The following PATL2 variants were observed in gnomAD, a reference collection of about 807,000 sequenced individuals.
PATL2 encodes the protein PAT1 homolog 2, also known as protein PAT1 homolog 2.
PATL2 carries 73 observed loss-of-function variants against 77.0 expected under a neutral mutation model. That is an observed-to-expected ratio of 0.95 (90% CI 0.78 to 1.15). The LOEUF (loss-of-function observed/expected upper bound fraction) is 1.15, where lower values mean the gene tolerates loss of function less well. Ranked by LOEUF, PATL2 falls within the 50% of genes most tolerant of loss-of-function variation. The probability of loss-of-function intolerance (pLI) is 0.00; values close to 1 mark genes in which losing one functional copy is unlikely to be tolerated. For synonymous variants in PATL2, 265 were observed against 257.1 expected (o/e 1.03, Z -0.29); for missense variants, 618 against 655.4 (o/e 0.94, Z 0.62).
intron 3 of PATL2, among the ~76,000 whole-genome samples, chr15:44,677,846 C>A (rs781394998): frequency 3.9e-5 from 6 of 151,994 alleles, no homozygotes; most frequent in Admixed American, 6.6e-5. Flanking sequence ...TGAAAAACTT[C>A]TCATATATCT....
chr15:44,690,756 G>T (rs1012186315), intron 3 of PATL2, among the ~76,000 whole-genome samples: 2 of 152,054 alleles, frequency 1.3e-5, no homozygotes, highest in African/African-American at 4.8e-5. Flanking sequence ...TTTATGTTAA[G>T]CTCAGATCTT....
chr15:44,681,560 C>T (rs906168011), intron 3 of PATL2, among the ~76,000 whole-genome samples: 1 of 152,172 alleles, frequency 6.6e-6, no homozygotes, highest in African/African-American at 2.4e-5. Flanking sequence ...TCTCAGTCCT[C>T]TATATATCAA....
At chr15:44,672,745 A>G (rs2085752262) in intron 7 of PATL2, among the ~76,000 whole-genome samples, 1 of 151,998 alleles carries the variant, frequency 6.6e-6, no homozygotes, top group African/African-American at 2.4e-5. Flanking sequence ...CCATCATGCT[A>G]CCTGATTGCA....
intron 14 of PATL2, 88 bp from the exon 15 acceptor site, chr15:44,668,570 C>A (rs1301869427): frequency 2.0e-6 from 3 of 1,470,782 alleles, no homozygotes; most frequent in Non-Finnish European, 1.8e-6. Flanking sequence ...CCTCGCTGAC[C>A]TGTCTTTGGC....
intron 7 of PATL2, 55 bp from the exon 8 acceptor site, chr15:44,672,511 C>T: frequency 6.7e-7 from 1 of 1,487,452 alleles, no homozygotes; most frequent in Non-Finnish European, 9.2e-7. Context: ...GTTCTCTGCC[C>T]CCTCCATTCA....
In PATL2 at chr15:44,681,250, C is replaced by T. The variant is rs183868356; in HGVS notation, c.-75-4685G>A. ...CCCAGACTGGTCTCAAACTCCTGGG[C>T]TCAAGTCGTCCTCCCACCTTGGCCT... On this transcript the variant is annotated intron_variant, in intron 3 of 17. Coordinates refer to ENST00000682850, the MANE Select transcript of PATL2 (RefSeq NM_001387263.1). Among the ~76,000 whole-genome samples, 4 of 152,292 alleles carry T rather than the reference C, an allele frequency of 2.6e-5. No individual in the cohort carries two copies. In the East Asian group the frequency reaches 5.8e-4, roughly 22 times the overall value.
intron 3 of PATL2, among the ~76,000 whole-genome samples, chr15:44,707,093 G>C (rs190241439): frequency 2.0e-5 from 3 of 151,912 alleles, no homozygotes; most frequent in Non-Finnish European, 4.4e-5. Flanking sequence ...AAGGCCCAAG[G>C]GCTCTGCAGT....
chr15:44,676,621 C>A, intron 3 of PATL2, 56 bp from the exon 4 acceptor site: 1 of 1,427,864 alleles, frequency 7.0e-7, no homozygotes, highest in Non-Finnish European at 9.6e-7. Context: ...GATGACATGG[C>A]ACCCTAAAAC....
chr15:44,708,617 G>A (rs1294410551), intron 3 of PATL2, among the ~76,000 whole-genome samples: 2 of 152,092 alleles, frequency 1.3e-5, no homozygotes, highest in African/African-American at 4.8e-5. Context: ...TTTCATCCAT[G>A]TTACATGTAT....
intron 3 of PATL2, among the ~76,000 whole-genome samples, chr15:44,677,123 T>TG (rs1420629013): frequency 6.6e-6 from 1 of 152,236 alleles, no homozygotes; most frequent in African/African-American, 2.4e-5. Flanking sequence ...GATTGATATT[T>TG]GGGGGCAGAT....
intron 3 of PATL2, among the ~76,000 whole-genome samples, chr15:44,687,669 G>T (rs2086291041): frequency 6.6e-6 from 1 of 151,848 alleles, no homozygotes; most frequent in Non-Finnish European, 1.5e-5. Flanking sequence ...CATAGTCTCA[G>T]CCCAAAATCT....
chr15:44,669,731 T>C (rs972781810), intron 11 of PATL2, 46 bp downstream of exon 11: 17 of 1,544,000 alleles, frequency 1.1e-5, no homozygotes, highest in Non-Finnish European at 1.4e-5. Flanking sequence ...TCTAGACCCT[T>C]CTTCCAAAGG....
chr15:44,702,958 A>G (rs968632643), intron 3 of PATL2, among the ~76,000 whole-genome samples: 11 of 152,082 alleles, frequency 7.2e-5, no homozygotes, highest in Non-Finnish European at 1.3e-4. Flanking sequence ...TTCTGTAGCC[A>G]TTGGATAAAA....
At chr15:44,675,265 G>A in intron 5 of PATL2, 1 of 571,884 alleles carries the variant, frequency 1.7e-6, no homozygotes, top group Non-Finnish European at 3.0e-6. Flanking sequence ...AGCTCTGCTA[G>A]GACCTGGTTT....
At chr15:44,691,778 A>G (rs1317095513) in intron 3 of PATL2, among the ~76,000 whole-genome samples, 2 of 152,176 alleles carry the variant, frequency 1.3e-5, no homozygotes, top group African/African-American at 4.8e-5. Flanking sequence ...CCTAGGCAAC[A>G]TAAAGAGACT....
intron 15 of PATL2, among the ~76,000 whole-genome samples, chr15:44,667,717 C>T (rs576568638): frequency 3.3e-5 from 5 of 152,054 alleles, no homozygotes; most frequent in Non-Finnish European, 5.9e-5. Context: ...CCGAGGCAGG[C>T]GAATCACTTA....
intron 3 of PATL2, among the ~76,000 whole-genome samples, chr15:44,689,851 AAAGTAT>A (rs2086347791): frequency 6.6e-6 from 1 of 152,222 alleles, no homozygotes; most frequent in Non-Finnish European, 1.5e-5. Flanking sequence ...CCCAGAACTT[AAAGTAT>A]AATAATAAGA....
chr15:44,695,971 AC>A (rs2086495073), intron 3 of PATL2, among the ~76,000 whole-genome samples: 1 of 152,104 alleles, frequency 6.6e-6, no homozygotes, highest in Non-Finnish European at 1.5e-5. Context: ...GCCAGAAAGG[AC>A]CCCACACTAA....
Position 44,675,351 on chromosome 15 carries a change from A to T in PATL2, c.222+135T>A. The stretch of plus-strand genomic sequence containing the variant: ...AGGAGAGAGTCCCTAACTCAAGTTC[A>T]AGGCTTAAAAAGAAAGTGTTAATCC... On this transcript the variant is annotated intron_variant, in intron 5 of 17. Coordinates refer to ENST00000682850, the MANE Select transcript of PATL2 (RefSeq NM_001387263.1). 9 of 1,028,080 alleles carry T rather than the reference A, an allele frequency of 8.8e-6. No individual in the cohort carries two copies. The South Asian group carries it at 1.6e-4, about 18-fold the overall frequency. The allele number at this position is 1,028,080 out of a possible 1,614,324, so 63.7% of individuals were successfully genotyped here.
Sources: allele counts gnomAD v4.1 joint callset (sites outside exome capture counted in the v4.1 genomes callset), GRCh38; gene constraint gnomAD v4.1.1; transcripts MANE v1.5; gene names NCBI Gene and HGNC (gene_info 2026-07-23, HGNC 2026-07-21).